Variants in PVT1 observed in about 807,000 individuals in gnomAD.
PVT1 encodes CXCR4/PVT1 fusion.
At chr8:127,915,706 C>T (rs550496211) in intron 3 of PVT1, among the ~76,000 whole-genome samples, 2 of 152,082 alleles carry the variant, frequency 1.3e-5, no homozygotes, top group South Asian at 2.1e-4. Flanking sequence ...GTTCATTAGC[C>T]CCATTCTACA....
intron 2 of PVT1, among the ~76,000 whole-genome samples, chr8:127,879,415 G>C (rs1459581298): frequency 6.6e-6 from 1 of 152,222 alleles, no homozygotes; most frequent in Non-Finnish European, 1.5e-5. Context: ...TGTAATCCTA[G>C]CTACTTGGGA....
intron 3 of PVT1, among the ~76,000 whole-genome samples, chr8:127,914,260 CAAAAAAAAAAAAAAAAAAAAAAAA>C (rs60359946): frequency 0.019 from 930 of 47,878 alleles, 17 homozygotes; most frequent in African/African-American, 0.048. Flanking sequence ...CCACCAACAG[CAAAAAAAAAAAAAAAAAAAAAAAA>C]AAAAAAAAAA....
chr8:128,041,452 G>T (rs1453450897), intron 4 of PVT1, among the ~76,000 whole-genome samples: 1 of 150,334 alleles, frequency 6.7e-6, no homozygotes, highest in Non-Finnish European at 1.5e-5. Flanking sequence ...TATGTGTTTG[G>T]CGTGTATATG....
At chr8:127,928,391 A>G (rs1035247498) in intron 3 of PVT1, among the ~76,000 whole-genome samples, 10 of 152,220 alleles carry the variant, frequency 6.6e-5, no homozygotes, top group East Asian at 1.9e-4. Flanking sequence ...GTTGAGCCCT[A>G]TCTTTCTCCT....
intron 2 of PVT1, among the ~76,000 whole-genome samples, chr8:127,858,362 G>A (rs976735860): frequency 1.3e-5 from 2 of 151,884 alleles, no homozygotes; most frequent in Non-Finnish European, 2.9e-5. Flanking sequence ...AGCGGATATT[G>A]TGCCATTGCA....
At chr8:127,906,259 C>A (rs1412550974) in intron 3 of PVT1, among the ~76,000 whole-genome samples, 8 of 152,110 alleles carry the variant, frequency 5.3e-5, no homozygotes, top group African/African-American at 1.4e-4. Flanking sequence ...CCTAAGGGAA[C>A]CTTGAGAGCC....
At chr8:127,894,857 G>A (rs879272419) in intron 3 of PVT1, among the ~76,000 whole-genome samples, 12 of 152,252 alleles carry the variant, frequency 7.9e-5, no homozygotes, top group Non-Finnish European at 5.9e-5. Context: ...GACTTGAGTA[G>A]TAGCTCTGTG....
At chr8:127,907,791 T>C (rs937108223) in intron 3 of PVT1, among the ~76,000 whole-genome samples, 1 of 152,148 alleles carries the variant, frequency 6.6e-6, no homozygotes, top group Non-Finnish European at 1.5e-5. Context: ...TAATTGTGGA[T>C]TTTGGATTTC....
At chr8:127,831,447 C>T (rs879912040) in intron 2 of PVT1, among the ~76,000 whole-genome samples, 17 of 152,142 alleles carry the variant, frequency 1.1e-4, no homozygotes, top group Admixed American at 1.1e-3. Flanking sequence ...CATTAATGGC[C>T]ACAGGAGATG....
intron 4 of PVT1, among the ~76,000 whole-genome samples, chr8:128,045,395 C>T (rs946603766): frequency 6.6e-6 from 1 of 152,210 alleles, no homozygotes; most frequent in Non-Finnish European, 1.5e-5. Flanking sequence ...TGACCTATGT[C>T]TTCTGGCTTG....
intron 4 of PVT1, chr8:127,998,106 C>T (rs915748557): frequency 1.3e-5 from 2 of 152,188 alleles, no homozygotes; most frequent in Non-Finnish European, 2.9e-5. Context: ...CTTTGATTAC[C>T]TGGCTGCTGT....
intron 3 of PVT1, among the ~76,000 whole-genome samples, chr8:127,904,003 A>G (rs544180811): frequency 6.6e-6 from 1 of 152,208 alleles, no homozygotes; most frequent in South Asian, 2.1e-4. Flanking sequence ...TGAATCTATA[A>G]ATTGCTTTGG....
At chr8:127,809,826 G>C (rs969852866) in intron 2 of PVT1, among the ~76,000 whole-genome samples, 2 of 152,218 alleles carry the variant, frequency 1.3e-5, no homozygotes, top group African/African-American at 4.8e-5. Context: ...ATCCCACTGG[G>C]CCAGCAGCAG....
chr8:127,963,549 C>T (rs913340621), intron 3 of PVT1, among the ~76,000 whole-genome samples: 1 of 152,164 alleles, frequency 6.6e-6, no homozygotes, highest in Non-Finnish European at 1.5e-5. Context: ...TTTAACTTTT[C>T]CATAGAAAGG....
At chr8:127,926,790 T>C (rs970499660) in intron 3 of PVT1, among the ~76,000 whole-genome samples, 3 of 152,208 alleles carry the variant, frequency 2.0e-5, no homozygotes, top group Non-Finnish European at 4.4e-5. Flanking sequence ...GTATCTGACT[T>C]GGAGATCCTT....
intron 2 of PVT1, among the ~76,000 whole-genome samples, chr8:127,806,968 C>T (rs139980606): frequency 6.6e-6 from 1 of 152,220 alleles, no homozygotes; most frequent in Non-Finnish European, 1.5e-5. Flanking sequence ...TGGGTGTTTC[C>T]ACAAGATACA....
At chr8:127,803,957 G>C (rs1363904591) in intron 2 of PVT1, among the ~76,000 whole-genome samples, 2 of 152,092 alleles carry the variant, frequency 1.3e-5, no homozygotes, top group Non-Finnish European at 2.9e-5. Flanking sequence ...CTGACCTTGT[G>C]ATCTGCCTGC....
chr8:127,813,820 A>G (rs1414958851), intron 2 of PVT1, among the ~76,000 whole-genome samples: 1 of 152,204 alleles, frequency 6.6e-6, no homozygotes, highest in Non-Finnish European at 1.5e-5. Context: ...AACGAGAGGC[A>G]GACCCAGGCT....
chr8:127,889,085 T>C (rs867371472), intron 2 of PVT1, among the ~76,000 whole-genome samples: 9 of 143,682 alleles, frequency 6.3e-5, no homozygotes, highest in Non-Finnish European at 9.2e-5. Flanking sequence ...CCTTCCTTCC[T>C]TCCTTCCTTC....
Sources: gnomAD v4.1 joint callset for allele counts (sites outside exome capture counted in the v4.1 genomes callset) on GRCh38, gnomAD v4.1.1 for gene constraint, MANE v1.5 for transcripts, NCBI Gene and HGNC (gene_info 2026-07-23, HGNC 2026-07-21) for gene names.